DOCK4: variants seen among roughly 807,000 people sequenced by gnomAD.
DOCK4 encodes dedicator of cytokinesis 4, also known as dedicator of cytokinesis protein 4.
DOCK4 carries 97 observed loss-of-function variants against 268.1 expected under a neutral mutation model. That is an observed-to-expected ratio of 0.36 (90% CI 0.31 to 0.43). The LOEUF (loss-of-function observed/expected upper bound fraction) is 0.43, where lower values mean the gene tolerates loss of function less well. DOCK4 is among the 20% of genes least tolerant of loss of function. DOCK4 has a pLI of 1.00. For synonymous variants in DOCK4, 954 were observed against 887.2 expected (o/e 1.08, Z -1.34); for missense variants, 2,145 against 2,455.7 (o/e 0.87, Z 2.67).
chr7:111,969,250 T>C (rs1052820305), intron 8 of DOCK4, among the ~76,000 whole-genome samples: 11 of 150,328 alleles, frequency 7.3e-5, no homozygotes, highest in African/African-American at 2.7e-4. Context: ...AAACAAATAA[T>C]GACTGAAAAA....
intron 8 of DOCK4, among the ~76,000 whole-genome samples, chr7:111,953,012 G>T (rs1204445823): frequency 6.6e-6 from 1 of 152,082 alleles, no homozygotes; most frequent in Non-Finnish European, 1.5e-5. Context: ...GATCACTTGA[G>T]CCTCGGAGTT....
intron 8 of DOCK4, among the ~76,000 whole-genome samples, chr7:111,962,388 C>T (rs769043321): frequency 1.3e-5 from 2 of 152,144 alleles, no homozygotes; most frequent in Non-Finnish European, 2.9e-5. Flanking sequence ...CCTCCAATAA[C>T]CCCATGGGGA....
intron 16 of DOCK4, among the ~76,000 whole-genome samples, chr7:111,889,945 T>C (rs1273038316): frequency 6.6e-6 from 1 of 152,212 alleles, no homozygotes; most frequent in African/African-American, 2.4e-5. Context: ...ATGGTGGTTC[T>C]TGACAATCAA....
chr7:112,019,856 T>TA (rs1185185073), intron 1 of DOCK4, among the ~76,000 whole-genome samples: 4 of 152,072 alleles, frequency 2.6e-5, no homozygotes, highest in Non-Finnish European at 5.9e-5. Flanking sequence ...ATGAAGTCTT[T>TA]AAAAAAAATT....
intron 23 of DOCK4, among the ~76,000 whole-genome samples, chr7:111,851,248 T>C (rs1804521699): frequency 6.6e-6 from 1 of 151,934 alleles, no homozygotes; most frequent in Non-Finnish European, 1.5e-5. Context: ...ATTGAGCCCA[T>C]GCTGGCTAAC....
intron 1 of DOCK4, among the ~76,000 whole-genome samples, chr7:112,126,258 C>A (rs1159082974): frequency 1.3e-5 from 2 of 152,180 alleles, no homozygotes; most frequent in Non-Finnish European, 2.9e-5. Context: ...ATACCATAAT[C>A]AAGAATCATG....
At chr7:112,059,885 A>T (rs539975781) in intron 1 of DOCK4, among the ~76,000 whole-genome samples, 1 of 152,376 alleles carries the variant, frequency 6.6e-6, no homozygotes, top group African/African-American at 2.4e-5. Flanking sequence ...AAGTCTATAC[A>T]AACTCAGAAC....
Position 111,783,812 on chromosome 7 carries a change from G to GT in DOCK4, c.3524+44dup, listed in dbSNP as rs979744802. ...TATTCTATTTGATTTTCTAACTGGA[G>GT]TTCAGCATGAACTGGAGTTCAGAAA... is the stretch of plus-strand genomic sequence containing the variant. On this transcript the variant is annotated intron_variant, in intron 34 of 52. Transcript: ENST00000428084. 8 of 1,492,710 alleles carry GT rather than the reference G, an allele frequency of 5.4e-6. No homozygotes were observed. In the African/African-American group the frequency reaches 9.8e-5, roughly 18 times the overall value. 92.5% of individuals were successfully genotyped at this position (1,492,710 alleles called of 1,614,324 possible). A position where few individuals can be genotyped will look rare whatever the true frequency, so the allele number is the denominator to read the frequency against.
chr7:111,991,090 T>C (rs1799485137), intron 5 of DOCK4, among the ~76,000 whole-genome samples: 1 of 152,240 alleles, frequency 6.6e-6, no homozygotes, highest in South Asian at 2.1e-4. Flanking sequence ...GAAAGTCACC[T>C]GCCTGCTCTT....
Position 111,739,141 on chromosome 7 carries a change from G to T in DOCK4, c.5225C>A (p.Pro1742His), listed in dbSNP as rs777190065. The T allele has an allele frequency of 2.5e-6, 4 of 1,613,064 alleles. No individual in the cohort carries two copies. The South Asian group carries it at 4.4e-5, about 18-fold the overall frequency. ...CTACCCTACAAGGAGTACCTGCGAAGGCTCCACAGGTGTTGGATAGATGGC... is the reference window on the plus strand; with the variant it reads ...CTACCCTACAAGGAGTACCTGCGAATGCTCCACAGGTGTTGGATAGATGGC... ...CSAIYPTPVE[P>H]SQRMLFNHIG... Residue 1742 changes from proline to histidine, a missense_variant, in exon 49 of 53, where the codon CCT becomes CAT. Around this residue, in one of 2 missense-constraint regions of DOCK4, gnomAD observed 547 missense variants for 469.0 expected, o/e 1.17. Coordinates refer to ENST00000428084, the MANE Select transcript of DOCK4 (RefSeq NM_001363540.2).
At chr7:112,052,373 T>A (rs554211710) in intron 1 of DOCK4, among the ~76,000 whole-genome samples, 1 of 152,284 alleles carries the variant, frequency 6.6e-6, no homozygotes, top group Non-Finnish European at 1.5e-5. Flanking sequence ...AAACTCTTCT[T>A]ATAGAAAACT....
At chr7:111,864,442 G>C (rs553479408) in intron 22 of DOCK4, among the ~76,000 whole-genome samples, 2 of 152,176 alleles carry the variant, frequency 1.3e-5, no homozygotes, top group Non-Finnish European at 2.9e-5. Flanking sequence ...AAGGAGGCAC[G>C]AGTTTCTAAC....
At chr7:111,958,144 G>C (rs1796580381) in intron 8 of DOCK4, among the ~76,000 whole-genome samples, 1 of 152,136 alleles carries the variant, frequency 6.6e-6, no homozygotes, top group Non-Finnish European at 1.5e-5. Context: ...ATCTCTTAAT[G>C]CTTTGCCTCA....
At chr7:111,776,648 C>T (rs1316358724) in intron 36 of DOCK4, among the ~76,000 whole-genome samples, 1 of 152,022 alleles carries the variant, frequency 6.6e-6, no homozygotes, top group Non-Finnish European at 1.5e-5. Flanking sequence ...GGAAGCTTCC[C>T]GAATTTGGTA....
chr7:111,881,864 G>T (rs546675853), intron 16 of DOCK4, among the ~76,000 whole-genome samples: 10 of 152,178 alleles, frequency 6.6e-5, no homozygotes, highest in South Asian at 4.1e-4. Flanking sequence ...TTTTTTTGTG[G>T]GATCTAAAAA....
At chr7:111,764,221 ATCTG>A (rs1339057873) in intron 39 of DOCK4, among the ~76,000 whole-genome samples, 4 of 152,196 alleles carry the variant, frequency 2.6e-5, no homozygotes, top group African/African-American at 9.6e-5. Flanking sequence ...GGATCTACCT[ATCTG>A]TCTTTTTCAT....
intron 1 of DOCK4, among the ~76,000 whole-genome samples, chr7:112,142,346 T>C (rs1380825796): frequency 6.6e-6 from 1 of 152,122 alleles, no homozygotes; most frequent in African/African-American, 2.4e-5. Flanking sequence ...GTTAGGCTTG[T>C]AAGGCAGTCA....
chr7:111,887,980 A>T (rs1162684970), intron 16 of DOCK4, among the ~76,000 whole-genome samples: 1 of 151,992 alleles, frequency 6.6e-6, no homozygotes, highest in Non-Finnish European at 1.5e-5. Flanking sequence ...AAGGATGCAG[A>T]TAAGTTTGCA....
At chr7:112,157,616 T>G (rs565593261) in intron 1 of DOCK4, among the ~76,000 whole-genome samples, 1 of 152,294 alleles carries the variant, frequency 6.6e-6, no homozygotes, top group African/African-American at 2.4e-5. Context: ...CCTGGTATGC[T>G]GATGAGCCTG....
Sources: allele counts gnomAD v4.1 joint callset (sites outside exome capture counted in the v4.1 genomes callset), GRCh38; gene constraint gnomAD v4.1.1; regional missense constraint gnomAD v4.1.1; transcripts MANE v1.5; gene names NCBI Gene and HGNC (gene_info 2026-07-23, HGNC 2026-07-21).